The following NPAS3 variants were observed in gnomAD, a reference collection of about 807,000 sequenced individuals.
NPAS3 encodes the protein neuronal PAS domain-containing protein 3.
In NPAS3, 14 loss-of-function variants were observed where a neutral mutation model predicts 73.1. That is an observed-to-expected ratio of 0.19 (90% CI 0.13 to 0.30). NPAS3 has a LOEUF of 0.30. NPAS3 is among the 10% of genes least tolerant of loss of function. The pLI is 1.00. For missense variants in NPAS3, 1,096 were observed against 1,250.0 expected, an observed-to-expected ratio of 0.88 and a Z score of 1.86; for synonymous variants, 620 against 541.5, an observed-to-expected ratio of 1.14 and a Z score of -2.01.
intron 2 of NPAS3, among the ~76,000 whole-genome samples, chr14:33,134,413 A>C (rs770182452): frequency 1.3e-5 from 2 of 152,196 alleles, no homozygotes; most frequent in Non-Finnish European, 2.9e-5. Context: ...TTAAACACTC[A>C]ATTTTACATC....
chr14:33,161,055 C>CATTCAT (rs1566624533), intron 2 of NPAS3, among the ~76,000 whole-genome samples: 1 of 152,120 alleles, frequency 6.6e-6, no homozygotes. Context: ...CTTTAGTATG[C>CATTCAT]GTTCATGTAC....
intron 3 of NPAS3, among the ~76,000 whole-genome samples, chr14:33,261,228 A>G (rs2048965094): frequency 6.6e-6 from 1 of 152,132 alleles, no homozygotes; most frequent in South Asian, 2.1e-4. Flanking sequence ...TTTTCTCAGT[A>G]AAATACTGTT....
intron 3 of NPAS3, among the ~76,000 whole-genome samples, chr14:33,309,144 T>C (rs117157358): frequency 0.041 from 6,192 of 152,280 alleles, 145 homozygotes; most frequent in Non-Finnish European, 0.061. Flanking sequence ...AACAAAGAAA[T>C]CATCAAACAA....
intron 6 of NPAS3, among the ~76,000 whole-genome samples, chr14:33,703,063 T>G (rs1182488222): frequency 6.6e-6 from 1 of 152,174 alleles, no homozygotes. Context: ...TATATTTCCT[T>G]TGGAAATCGC....
intron 6 of NPAS3, among the ~76,000 whole-genome samples, chr14:33,712,359 C>T (rs148519351): frequency 6.6e-6 from 1 of 152,304 alleles, no homozygotes; most frequent in East Asian, 1.9e-4. Flanking sequence ...ATTCAAGTGG[C>T]ATCTGCTATG....
At position 33,308,527 on chromosome 14, in the gene NPAS3, T is replaced by TATATATATATATATACACAC; in HGVS notation, c.386-58658_386-58657insTATATATATATATACACACA. Among the ~76,000 whole-genome samples, 541 of 103,596 alleles carry TATATATATATATATACACAC rather than the reference T, an allele frequency of 5.2e-3. 11 individuals carry two copies. Among genetic ancestry groups the TATATATATATATATACACAC allele is most frequent in the Non-Finnish European group, 7.6e-3 (406 of 53,432 alleles). 68.0% of individuals were successfully genotyped at this position (103,596 alleles called of 152,430 possible). On this transcript the variant is annotated intron_variant, in intron 3 of 11. Coordinates refer to ENST00000356141, the Ensembl canonical transcript of NPAS3. ...TGCATAGTTTATATATATATATATA[T>TATATATATATATATACACAC]ACATACACACACACACACACACACA...
intron 11 of NPAS3, among the ~76,000 whole-genome samples, chr14:33,799,329 A>T (rs989583589): frequency 3.3e-5 from 5 of 152,142 alleles, no homozygotes; most frequent in Admixed American, 6.5e-5. Context: ...TCTGTGTCAC[A>T]CCTTAATCCA....
chr14:33,150,246 C>G (rs1427678698), intron 2 of NPAS3, among the ~76,000 whole-genome samples: 1 of 152,110 alleles, frequency 6.6e-6, no homozygotes, highest in Non-Finnish European at 1.5e-5. Context: ...AGAATTTTCT[C>G]TAAAAAAGAA....
intron 9 of NPAS3, among the ~76,000 whole-genome samples, chr14:33,789,564 AG>A (rs1464449011): frequency 6.7e-6 from 1 of 149,576 alleles, no homozygotes; most frequent in Non-Finnish European, 1.5e-5. Context: ...TCAAACTAAA[AG>A]TAATTACTAG....
At chr14:33,304,059 A>T (rs993465621) in intron 3 of NPAS3, among the ~76,000 whole-genome samples, 3 of 152,164 alleles carry the variant, frequency 2.0e-5, no homozygotes, top group Non-Finnish European at 4.4e-5. Context: ...AGGTGCCCGC[A>T]ACCACGCCCG....
chr14:33,259,065 G>T (rs539092659), intron 3 of NPAS3, among the ~76,000 whole-genome samples: 8 of 152,040 alleles, frequency 5.3e-5, no homozygotes, highest in African/African-American at 1.9e-4. Flanking sequence ...CGCCCTCCTC[G>T]GCCTTCCAAA....
intron 2 of NPAS3, among the ~76,000 whole-genome samples, chr14:33,076,790 A>G (rs1421142436): frequency 6.6e-6 from 1 of 152,244 alleles, no homozygotes; most frequent in Non-Finnish European, 1.5e-5. Context: ...AATCCAAAGC[A>G]ATGTGTTAGT....
chr14:33,388,381 A>C (rs1215715488), intron 4 of NPAS3, among the ~76,000 whole-genome samples: 3 of 152,098 alleles, frequency 2.0e-5, no homozygotes, highest in Non-Finnish European at 4.4e-5. Context: ...AGAGAATGTC[A>C]GTCTTGTTGA....
At chr14:33,007,406 T>C (rs1452478619) in intron 1 of NPAS3, among the ~76,000 whole-genome samples, 4 of 152,236 alleles carry the variant, frequency 2.6e-5, no homozygotes, top group African/African-American at 9.6e-5. Flanking sequence ...GTTTTCAAAA[T>C]GGTGACCTAA....
chr14:33,112,182 C>A (rs1421371181), intron 2 of NPAS3, among the ~76,000 whole-genome samples: 3 of 152,216 alleles, frequency 2.0e-5, no homozygotes, highest in Admixed American at 6.5e-5. Context: ...TGGGTATATA[C>A]CCAGTAATGG....
intron 6 of NPAS3, among the ~76,000 whole-genome samples, chr14:33,716,804 G>A (rs1294676359): frequency 6.6e-6 from 1 of 151,958 alleles, no homozygotes; most frequent in Non-Finnish European, 1.5e-5. Flanking sequence ...TTGTTTCTGA[G>A]CGCCGCCCCC....
At chr14:33,376,597 C>A (rs2046321629) in intron 4 of NPAS3, among the ~76,000 whole-genome samples, 1 of 152,144 alleles carries the variant, frequency 6.6e-6, no homozygotes, top group South Asian at 2.1e-4. Flanking sequence ...ACCTCAGAGC[C>A]AGGGCCTTGT....
intron 2 of NPAS3, among the ~76,000 whole-genome samples, chr14:33,125,345 AG>A (rs1294565167): frequency 6.6e-6 from 1 of 152,146 alleles, no homozygotes; most frequent in African/African-American, 2.4e-5. Flanking sequence ...ATTTATCTTC[AG>A]GGTACAGAAT....
At chr14:33,013,621 T>C (rs2039290340) in intron 1 of NPAS3, among the ~76,000 whole-genome samples, 1 of 152,200 alleles carries the variant, frequency 6.6e-6, no homozygotes, top group South Asian at 2.1e-4. Flanking sequence ...TATATTTTAC[T>C]GTACACACTG....
Sources: allele counts gnomAD v4.1 joint callset (sites outside exome capture counted in the v4.1 genomes callset), GRCh38; gene constraint gnomAD v4.1.1; transcripts MANE v1.5; gene names NCBI Gene and HGNC (gene_info 2026-07-23, HGNC 2026-07-21).